The following ATXN7 variants were observed in gnomAD, a reference collection of about 807,000 sequenced individuals.
ATXN7 encodes ataxin 7, also known as ataxin-7.
In ATXN7, 12 loss-of-function variants were observed where a neutral mutation model predicts 70.5. The observed-to-expected ratio is 0.17, with a 90% CI of 0.11 to 0.28. The LOEUF is 0.28. ATXN7 is among the 10% of genes least tolerant of loss of function. The pLI is 1.00. For missense variants in ATXN7, 1,256 were observed against 1,131.7 expected (o/e 1.11, Z -1.58); for synonymous variants, 498 against 448.7 (o/e 1.11, Z -1.39).
chr3:63,881,830 G>A (rs1702921099), intron 1 of ATXN7, among the ~76,000 whole-genome samples: 2 of 152,152 alleles, frequency 1.3e-5, no homozygotes, highest in Non-Finnish European at 2.9e-5. Context: ...TATAAGGTTG[G>A]GCCAGAGAGT....
At chr3:63,866,334 TG>T (rs1702428379) in intron 1 of ATXN7, among the ~76,000 whole-genome samples, 1 of 152,218 alleles carries the variant, frequency 6.6e-6, no homozygotes, top group Non-Finnish European at 1.5e-5. Context: ...CACTGCAGCC[TG>T]GAACTCCTGG....
chr3:63,908,849 C>A (rs1235070678), intron 2 of ATXN7, among the ~76,000 whole-genome samples: 1 of 152,140 alleles, frequency 6.6e-6, no homozygotes. Flanking sequence ...CTGAGAACAT[C>A]CCTAAATTTG....
At position 63,864,147 on chromosome 3, in the gene ATXN7, G is replaced by C. The variant is rs1702328580; in HGVS notation, c.-122G>C. 6.7e-6 allele frequency among the ~76,000 whole-genome samples: 1 copy of C among 149,628 alleles called. No homozygotes were observed. Among genetic ancestry groups the C allele is most frequent in the African/African-American group, 2.4e-5 (1 of 41,060 alleles). On this transcript the variant is annotated 5_prime_UTR_variant, in exon 1 of 13. Transcript: ENST00000674280. ...CCCAGAGGCCGCCCCGGAGGCCGCA[G>C]CCAGCCGCCAGGTGAGCTCGCCCGG...
chr3:63,907,803 A>C (rs1457244600), intron 2 of ATXN7, among the ~76,000 whole-genome samples: 1 of 152,110 alleles, frequency 6.6e-6, no homozygotes, highest in African/African-American at 2.4e-5. Flanking sequence ...CCTCAGCCGA[A>C]AGACTTTAAA....
intron 4 of ATXN7, among the ~76,000 whole-genome samples, chr3:63,931,309 G>GC (rs111996499): frequency 0.017 from 2,585 of 151,522 alleles, 85 homozygotes; most frequent in African/African-American, 0.058. Flanking sequence ...GTAAACACCC[G>GC]CCCCCCCAAA....
intron 5 of ATXN7, chr3:63,967,995 T>G: frequency 6.5e-7 from 1 of 1,528,036 alleles, no homozygotes; most frequent in Non-Finnish European, 8.8e-7. Flanking sequence ...CTGAGGCAGT[T>G]TTCAGAGTCT....
At chr3:63,866,852 T>A (rs1702446803) in intron 1 of ATXN7, 1 of 152,130 alleles carries the variant, frequency 6.6e-6, no homozygotes, top group African/African-American at 2.4e-5. Flanking sequence ...CAGATCTTTA[T>A]GGGCAGAAAC....
chr3:63,924,715 G>A (rs1035127077), intron 4 of ATXN7, among the ~76,000 whole-genome samples: 3 of 152,136 alleles, frequency 2.0e-5, no homozygotes, highest in African/African-American at 7.2e-5. Context: ...CTGGAGAGTT[G>A]GGGAGGCAGA....
chr3:63,997,700 T>C (rs2075782639), intron 12 of ATXN7: 3 of 1,551,296 alleles, frequency 1.9e-6, no homozygotes, highest in Non-Finnish European at 2.6e-6. Flanking sequence ...GAGGCTCTTT[T>C]TCATGATTTT....
Position 63,900,088 on chromosome 3 carries a change from C to T in ATXN7, c.-12+1591C>T, listed in dbSNP as rs191545719. Among the ~76,000 whole-genome samples, 976 of 149,642 alleles carry T rather than the reference C, an allele frequency of 6.5e-3. 54 individuals carry two copies. The highest frequency in any genetic ancestry group is 0.062 in the Admixed American group (913 of 14,752). ...GGCAGCAAGACCCCATGTTAAAAAA[C>T]AAGCAACAACAACAACAACAAAATT... On this transcript the variant is annotated intron_variant, in intron 2 of 12. Coordinates refer to ENST00000674280, the MANE Select transcript of ATXN7 (RefSeq NM_001377405.1).
intron 4 of ATXN7, among the ~76,000 whole-genome samples, chr3:63,915,083 C>T (rs1318384672): frequency 6.6e-6 from 1 of 152,080 alleles, no homozygotes; most frequent in Non-Finnish European, 1.5e-5. Flanking sequence ...CTGCAGGCGG[C>T]GGGCCACCAC....
At chr3:63,936,860 T>C (rs2074671151) in intron 4 of ATXN7, among the ~76,000 whole-genome samples, 1 of 152,220 alleles carries the variant, frequency 6.6e-6, no homozygotes, top group African/African-American at 2.4e-5. Context: ...CTTTGACTGG[T>C]TGGTCCGTTT....
In ATXN7 at chr3:63,995,616, C is replaced by T. The variant is rs753287298; in HGVS notation, c.1794C>T (p.Thr598=). Residue 598 remains threonine (T), a synonymous_variant, in exon 12 of 13, where the codon ACC becomes ACT. Coordinates refer to ENST00000674280, the MANE Select transcript of ATXN7 (RefSeq NM_001377405.1). ...GAGTCAGCTATCTGGCAGCAGCCACCGTCTCTACATCCCCAGTCCTGCTCT... is the reference window on the plus strand; with the variant it reads ...GAGTCAGCTATCTGGCAGCAGCCACTGTCTCTACATCCCCAGTCCTGCTCT... The part of the protein sequence containing the change: ...QCGVSYLAAA[T]VSTSPVLLSS... The T allele has an allele frequency of 7.4e-6, 12 of 1,614,068 alleles. No homozygotes were observed. Among genetic ancestry groups the T allele is most frequent in the Admixed American group, 3.3e-5 (2 of 60,002 alleles).
intron 2 of ATXN7, among the ~76,000 whole-genome samples, chr3:63,899,724 C>T (rs1163890346): frequency 6.6e-6 from 1 of 152,060 alleles, no homozygotes; most frequent in East Asian, 1.9e-4. Flanking sequence ...CGCAATTCTG[C>T]CGCCTCAGCC....
At chr3:63,949,325 A>G (rs1160517108) in intron 4 of ATXN7, among the ~76,000 whole-genome samples, 1 of 152,016 alleles carries the variant, frequency 6.6e-6, no homozygotes, top group South Asian at 2.1e-4. Flanking sequence ...TTACTTCCAA[A>G]TATGGATATC....
At chr3:63,868,956 A>G (rs1217659349) in intron 1 of ATXN7, among the ~76,000 whole-genome samples, 1 of 152,174 alleles carries the variant, frequency 6.6e-6, no homozygotes, top group Non-Finnish European at 1.5e-5. Context: ...ATTTTTGTCA[A>G]TAGGAAAGGG....
At chr3:63,919,757 C>A (rs1295474383) in intron 4 of ATXN7, among the ~76,000 whole-genome samples, 2 of 110,668 alleles carry the variant, frequency 1.8e-5, no homozygotes, top group South Asian at 3.8e-4. Context: ...CCCCTCCCCC[C>A]ACCCCACAAC....
chr3:63,912,339 C>CGGTGG (rs1704056233), intron 2 of ATXN7, among the ~76,000 whole-genome samples: 2 of 151,754 alleles, frequency 1.3e-5, no homozygotes, highest in Admixed American at 1.3e-4. Context: ...TGGCGGGCCG[C>CGGTGG]CTGCTGCCCG....
At chr3:63,946,629 C>G (rs1005275914) in intron 4 of ATXN7, among the ~76,000 whole-genome samples, 5 of 140,046 alleles carry the variant, frequency 3.6e-5, no homozygotes, top group African/African-American at 1.1e-4. Context: ...GGCGACAGAG[C>G]GAGACTCTGT....
Sources: allele counts gnomAD v4.1 joint callset (sites outside exome capture counted in the v4.1 genomes callset), GRCh38; gene constraint gnomAD v4.1.1; transcripts MANE v1.5; gene names NCBI Gene and HGNC (gene_info 2026-07-23, HGNC 2026-07-21).